SPTBN5: variants seen among roughly 807,000 people sequenced by gnomAD.
SPTBN5 encodes the protein spectrin beta, non-erythrocytic 5.
SPTBN5 carries 513 observed loss-of-function variants against 477.6 expected under a neutral mutation model. The ratio of observed to expected loss-of-function variants is 1.07; its 90% CI spans 1.00 to 1.16. The LOEUF is 1.16. Among genes scored for constraint, SPTBN5 ranks in the 50% most tolerant of loss-of-function variants. The probability of loss-of-function intolerance (pLI) is 0.00; values close to 1 mark genes in which losing one functional copy is unlikely to be tolerated. For synonymous variants in SPTBN5, 2,169 were observed against 2,011.7 expected (o/e 1.08, Z -2.09); for missense variants, 5,062 against 4,731.8 (o/e 1.07, Z -2.05).
intron 3 of SPTBN5, among the ~76,000 whole-genome samples, chr15:41,892,024 C>CCAGCATTCTGCAGCTGG (rs964365667): frequency 6.6e-6 from 1 of 152,182 alleles, no homozygotes; most frequent in African/African-American, 2.4e-5. Context: ...CAACTAGGGC[C>CCAGCATTCTGCAGCTGG]CAGCATTCTG....
At chr15:41,870,675 A>C in intron 29 of SPTBN5, 115 bp from the exon 30 acceptor site, 1 of 821,758 alleles carries the variant, frequency 1.2e-6, no homozygotes, top group East Asian at 2.7e-5. Context: ...GACTTGCCCA[A>C]AGCTCCTCCT....
At chr15:41,871,665 C>T in intron 28 of SPTBN5, 117 bp downstream of exon 28, 1 of 1,422,904 alleles carries the variant, frequency 7.0e-7, no homozygotes, top group Non-Finnish European at 9.3e-7. Context: ...GAGGCCCCAC[C>T]TCAGCCAGGG....
At chr15:41,849,690 T>C (rs984280221) in intron 67 of SPTBN5, among the ~76,000 whole-genome samples, 179 bp downstream of exon 67, 3 of 152,158 alleles carry the variant, frequency 2.0e-5, no homozygotes, top group African/African-American at 7.2e-5. Flanking sequence ...ATCTGGGCTT[T>C]GTGGCCTGGA....
chr15:41,877,488 C>G, intron 17 of SPTBN5, 132 bp from the exon 18 acceptor site: 3 of 1,336,168 alleles, frequency 2.2e-6, no homozygotes, highest in Non-Finnish European at 2.0e-6. Context: ...CAGCAGAGTG[C>G]TTAGGGTGCA....
At chr15:41,879,605 C>A in intron 15 of SPTBN5, 106 bp from the exon 16 acceptor site, 1 of 1,555,628 alleles carries the variant, frequency 6.4e-7, no homozygotes, top group Non-Finnish European at 8.7e-7. Context: ...CTGGCTGTCC[C>A]TTGCCCCTTC....
chr15:41,850,223 G>A (rs903835687), intron 66 of SPTBN5: 2 of 481,228 alleles, frequency 4.2e-6, no homozygotes, highest in African/African-American at 3.9e-5. Context: ...ATTCTGGAAT[G>A]TCGAACAACT....
rs983240072 is a variant in SPTBN5, at chr15:41,867,072, G to C, written c.6367C>G (p.Arg2123Gly). 1.1e-5 allele frequency: 17 copies of C among 1,548,318 alleles called. No individual in the cohort carries two copies. The highest frequency in any genetic ancestry group is 1.9e-4 in the Middle Eastern group (1 of 5,376). ...CGGCGCTGCAGCAGGATGGGAAGCC[G>C]GTCCCGCACCCGGGGGCGCCGGAGC... ...KTLRRPRVRD[R>G]LPILLQRRMR... is the part of the protein sequence containing the mutation. Residue 2123 changes from arginine (R) to glycine (G), a missense_variant, in exon 36 of 68, where the codon CGG (arginine) becomes GGG (glycine). Coordinates refer to ENST00000320955, the MANE Select transcript of SPTBN5 (RefSeq NM_016642.4).
At position 41,860,681 on chromosome 15, in the gene SPTBN5, C is replaced by G. The variant is rs1469261945; in HGVS notation, c.7893G>C (p.Lys2631Asn). The change falls in exon 47 of 68, where the codon AAG becomes AAC. Residue 2631 changes from lysine (K) to asparagine (N), a missense_variant. Coordinates refer to ENST00000320955, the MANE Select transcript of SPTBN5 (RefSeq NM_016642.4). ...GGGCCGTGGCCTCCAGAGCACTGAT[C>G]TTTCCCGCCTGCACCTCCAGGTCCC... The part of the protein sequence containing the change: ...LEWDLEVQAG[K>N]ISALEATARG... 6.3e-7 allele frequency: 1 copy of G among 1,587,914 alleles called. No homozygotes were observed. The highest frequency in any genetic ancestry group is 1.3e-5 in the African/African-American group (1 of 74,522).
Position 41,874,491 on chromosome 15 carries a change from G to C in SPTBN5, c.4503-13C>G, listed in dbSNP as rs375664661. 6.3e-7 allele frequency: 1 copy of C among 1,589,560 alleles called. No homozygotes were observed. Among genetic ancestry groups the C allele is most frequent in the Non-Finnish European group, 8.5e-7 (1 of 1,169,684 alleles). On this transcript the variant is annotated splice_polypyrimidine_tract_variant and intron_variant, in intron 23 of 67. Coordinates refer to ENST00000320955, the MANE Select transcript of SPTBN5 (RefSeq NM_016642.4). ...CAGAAGCTCCAGCCTAGGAGGAGGA[G>C]GAAGAGATTGGAGAGGTTGGGAACA...
intron 47 of SPTBN5, among the ~76,000 whole-genome samples, chr15:41,859,734 G>T (rs2066039413): frequency 1.3e-5 from 2 of 152,146 alleles, no homozygotes; most frequent in African/African-American, 2.4e-5. Flanking sequence ...GTAGGGGGTG[G>T]TGACAAAGAC....
rs574669192 is a variant in SPTBN5, at chr15:41,853,667, G to T, written c.9895C>A (p.Leu3299Met). ...LAKVQEAWAT[L>M]QAKAQERGQW... ...CCTCGCTCCTGGGCCTTCGCCTGCA[G>T]GGTGGCCCAGGCCTCCTGCACCTTG... is the stretch of plus-strand genomic sequence containing the variant. The change falls in exon 58 of 68, where the codon CTG becomes ATG. Residue 3299 changes from leucine (L) to methionine (M), a missense_variant. By Grantham distance (15) the Leu-to-Met change is conservative. Transcript: ENST00000320955. 22 of 1,600,192 alleles carry T rather than the reference G, an allele frequency of 1.4e-5. No individual in the cohort carries two copies. In the South Asian group the frequency reaches 2.1e-4, roughly 15 times the overall value.
At chr15:41,848,941 G>C (rs571745127) in intron 67 of SPTBN5, among the ~76,000 whole-genome samples, 1 of 152,214 alleles carries the variant, frequency 6.6e-6, no homozygotes, top group Non-Finnish European at 1.5e-5. Context: ...CCAGGACAAG[G>C]CCTGTCCCGT....
chr15:41,856,758 C>CAGAGA lies in SPTBN5; in HGVS notation c.8808+90_8808+94dup, dbSNP rs2065939450. 5 of 1,391,540 alleles carry CAGAGA rather than the reference C, an allele frequency of 3.6e-6. No individual in the cohort carries two copies. The Admixed American group carries it at 7.1e-5, about 20-fold the overall frequency. 86.2% of individuals were successfully genotyped at this position (1,391,540 alleles called of 1,614,324 possible). On this transcript the variant is annotated intron_variant, in intron 52 of 67. Coordinates refer to ENST00000320955, the MANE Select transcript of SPTBN5 (RefSeq NM_016642.4). ...AGGGCATCCCAAAAGCCCCCACAGG[C>CAGAGA]AGAGAGTTCCTGGCTGGGCCACAGA...
chr15:41,892,986 A>G lies in SPTBN5; in HGVS notation c.292T>C (p.Ser98Pro). 1 of 1,610,046 alleles carries G rather than the reference A, an allele frequency of 6.2e-7. No homozygotes were observed. Among genetic ancestry groups the G allele is most frequent in the Non-Finnish European group, 8.5e-7 (1 of 1,179,790 alleles). ...IHLLRLLELISGEALPPPSRG... is the reference protein window; with the variant it reads ...IHLLRLLELIPGEALPPPSRG... Reference sequence around the variant, plus strand: ...CTCGGGGGTGGCAGGGCCTCCCCTGAGATGAGCTCCAGCAGCCGCAGGAGG... The same window carrying G: ...CTCGGGGGTGGCAGGGCCTCCCCTGGGATGAGCTCCAGCAGCCGCAGGAGG... Residue 98 changes from serine to proline, a missense_variant, in exon 3 of 68, where the codon TCA becomes CCA. Ser to Pro is a moderately conservative substitution (Grantham distance 74). Coordinates refer to ENST00000320955, the MANE Select transcript of SPTBN5 (RefSeq NM_016642.4).
intron 7 of SPTBN5, among the ~76,000 whole-genome samples, chr15:41,884,872 T>G (rs889539167): frequency 2.0e-5 from 3 of 152,194 alleles, no homozygotes; most frequent in African/African-American, 7.2e-5. Flanking sequence ...GGACACTGCA[T>G]TTGCCGTTTC....
At position 41,882,737 on chromosome 15, in the gene SPTBN5, G is replaced by T. The variant is rs745789006; in HGVS notation, c.1894C>A (p.Arg632=). The T allele has an allele frequency of 3.7e-6, 6 of 1,608,808 alleles. No individual in the cohort carries two copies. The East Asian group carries it at 1.1e-4, about 30-fold the overall frequency. The change falls in exon 10 of 68, where the codon CGG becomes AGG. Residue 632 remains arginine (R), a splice_region_variant and synonymous_variant. Transcript: ENST00000320955. ...TGCAGGGTCTGCTCCAGCAGGGCCC[G>T]CCTGAGGGACAATAGGGGCCACCGA... The part of the protein sequence containing the change: ...QSLVALVRAR[R]ALLEQTLQRA...
In SPTBN5 at chr15:41,883,328, C is replaced by A. The variant is rs115182931; in HGVS notation, c.1659+20G>T. The A allele has an allele frequency of 1.2e-6, 2 of 1,611,470 alleles. No individual in the cohort carries two copies. The highest frequency in any genetic ancestry group is 1.1e-5 in the South Asian group (1 of 90,892). On this transcript the variant is annotated intron_variant, in intron 8 of 67. Transcript: ENST00000320955. ...CCCACCTTGCTGTGTTTCCCAAGGGCCTGCTGGTCCAGTGCCCACCTGCAG... is the reference window on the plus strand; with the variant it reads ...CCCACCTTGCTGTGTTTCCCAAGGGACTGCTGGTCCAGTGCCCACCTGCAG...
chr15:41,857,341 C>A lies in SPTBN5; in HGVS notation c.8518G>T (p.Ala2840Ser). 8 of 1,570,794 alleles carry A rather than the reference C, an allele frequency of 5.1e-6. No individual in the cohort carries two copies. Among genetic ancestry groups the A allele is most frequent in the Non-Finnish European group, 6.9e-6 (8 of 1,158,362 alleles). ...RELEAAVDKK[A>S]RQAEALLGQA... ...CCCAGCAGTGCCTCAGCCTGCCTGG[C>A]CTTCTTGTCCACTGCTGCCTCCAGC... The change falls in exon 51 of 68, where the codon GCC becomes TCC. Residue 2840 changes from alanine (A) to serine (S), a missense_variant. Transcript: ENST00000320955.
chr15:41,854,978 T>G lies in SPTBN5; in HGVS notation c.9424-2A>C. 1 of 1,536,372 alleles carries G rather than the reference T, an allele frequency of 6.5e-7. No homozygotes were observed. Among genetic ancestry groups the G allele is most frequent in the Admixed American group, 2.0e-5 (1 of 49,062 alleles). On this transcript the variant is annotated splice_acceptor_variant, in intron 55 of 67. Coordinates refer to ENST00000320955, the MANE Select transcript of SPTBN5 (RefSeq NM_016642.4). LOFTEE classifies it high-confidence loss of function. ...AGCATCAAACTTCTCTTCCAGCACCTGCAAAGGTATGAGGCCCAGCAGGGT... is the reference window on the plus strand; with the variant it reads ...AGCATCAAACTTCTCTTCCAGCACCGGCAAAGGTATGAGGCCCAGCAGGGT...
Sources: gnomAD v4.1 joint callset for allele counts (sites outside exome capture counted in the v4.1 genomes callset) on GRCh38, gnomAD v4.1.1 for gene constraint, MANE v1.5 for transcripts, NCBI Gene and HGNC (gene_info 2026-07-23, HGNC 2026-07-21) for gene names.